CDH13: variants seen among roughly 807,000 people sequenced by gnomAD.
The protein encoded by CDH13 is cadherin-13.
Under a neutral mutation model 63.8 loss-of-function variants are expected in CDH13, and 24 were observed. The observed-to-expected ratio is 0.38, with a 90% CI of 0.27 to 0.53. The LOEUF is 0.53. Ranked by LOEUF, CDH13 falls within the 20% of genes least tolerant of loss-of-function variation. The pLI is 0.85. For synonymous variants in CDH13, 503 were observed against 355.3 expected, an observed-to-expected ratio of 1.42 and a Z score of -4.67; for missense variants, 1,049 against 903.1, an observed-to-expected ratio of 1.16 and a Z score of -2.07.
intron 11 of CDH13, among the ~76,000 whole-genome samples, chr16:83,765,433 T>C (rs1914304449): frequency 6.6e-6 from 1 of 152,218 alleles, no homozygotes; most frequent in East Asian, 1.9e-4. Flanking sequence ...ATGTGGATAA[T>C]TGCTTCAGTT....
intron 6 of CDH13, among the ~76,000 whole-genome samples, chr16:83,438,515 T>G: frequency 6.6e-6 from 1 of 152,380 alleles, no homozygotes; most frequent in Non-Finnish European, 1.5e-5. Context: ...GTTTATTCAT[T>G]GACCAACTCC....
At chr16:83,661,500 AT>A (rs1336450480) in intron 8 of CDH13, among the ~76,000 whole-genome samples, 10 of 150,782 alleles carry the variant, frequency 6.6e-5, no homozygotes, top group Non-Finnish European at 1.0e-4. Context: ...AAAAAAAAAA[AT>A]CTTGTTCTCA....
At chr16:83,359,737 C>T (rs767321676) in intron 6 of CDH13, among the ~76,000 whole-genome samples, 1 of 152,192 alleles carries the variant, frequency 6.6e-6, no homozygotes, top group Non-Finnish European at 1.5e-5. Flanking sequence ...TTTGCAATTT[C>T]AGAGTGGTTG....
Position 83,800,294 on chromosome 16 carries a change from C to T in CDH13, c.*5264C>T, listed in dbSNP as rs1368239502. 1 of 152,070 alleles carries T rather than the reference C, an allele frequency of 6.6e-6. No individual in the cohort carries two copies. Among genetic ancestry groups the T allele is most frequent in the Non-Finnish European group, 1.5e-5 (1 of 68,016 alleles). The allele number at this position is 152,070 out of a possible 1,614,324, so 9.4% of individuals were successfully genotyped here. On this transcript the variant is annotated 3_prime_UTR_variant, in exon 14 of 14. Coordinates refer to ENST00000567109, the MANE Select transcript of CDH13 (RefSeq NM_001257.5). ...CTTTTTCTTTAGAGAGTACTAAAGC[C>T]ATTCTATATCTGTCGTACACATGAA...
chr16:83,569,648 C>G (rs928020716), intron 7 of CDH13, among the ~76,000 whole-genome samples: 2 of 152,186 alleles, frequency 1.3e-5, no homozygotes, highest in African/African-American at 4.8e-5. Flanking sequence ...GTCCTCTCTT[C>G]ACAAAGACAT....
intron 5 of CDH13, among the ~76,000 whole-genome samples, chr16:83,224,411 C>T (rs1168162006): frequency 6.6e-6 from 1 of 152,188 alleles, no homozygotes; most frequent in Non-Finnish European, 1.5e-5. Context: ...CAAGTGAGAG[C>T]CTGTCAGTGA....
intron 8 of CDH13, among the ~76,000 whole-genome samples, chr16:83,654,354 A>G (rs1012582900): frequency 7.9e-5 from 12 of 151,976 alleles, no homozygotes; most frequent in African/African-American, 2.7e-4. Context: ...ACATTAGGGT[A>G]TAGGCCATAG....
chr16:83,781,592 C>T (rs571378448), intron 12 of CDH13, among the ~76,000 whole-genome samples: 18 of 152,040 alleles, frequency 1.2e-4, no homozygotes, highest in African/African-American at 4.1e-4. Context: ...GCCTGTTTGT[C>T]TATTTTATTG....
intron 10 of CDH13, among the ~76,000 whole-genome samples, chr16:83,743,024 T>A (rs403229): frequency 0.99 from 150,576 of 152,300 alleles, 74,463 homozygotes; most frequent in Middle Eastern, 1. Flanking sequence ...CCTGGCCAAC[T>A]TGGTGAAACC....
intron 5 of CDH13, among the ~76,000 whole-genome samples, chr16:83,299,257 T>G (rs780470043): frequency 6.6e-6 from 1 of 150,562 alleles, no homozygotes; most frequent in South Asian, 2.1e-4. Context: ...TATTCCCTTA[T>G]TTTGGATGCT....
At chr16:83,036,755 C>G (rs925569979) in intron 3 of CDH13, among the ~76,000 whole-genome samples, 1 of 152,106 alleles carries the variant, frequency 6.6e-6, no homozygotes, top group African/African-American at 2.4e-5. Context: ...GTGATCTTGT[C>G]GTGCAGCCTA....
intron 6 of CDH13, among the ~76,000 whole-genome samples, chr16:83,427,823 G>A (rs985709885): frequency 3.9e-5 from 6 of 152,208 alleles, no homozygotes; most frequent in Non-Finnish European, 8.8e-5. Context: ...AACAATGTGA[G>A]CTTCTGTTCC....
chr16:83,759,545 C>T (rs1011894289), intron 11 of CDH13, among the ~76,000 whole-genome samples: 2 of 151,700 alleles, frequency 1.3e-5, no homozygotes, highest in African/African-American at 4.8e-5. Context: ...AGATAGATTA[C>T]ATTGAAATTA....
Position 83,113,179 on chromosome 16 carries a change from T to C in CDH13, c.367-12206T>C, listed in dbSNP as rs539281695. 5.3e-5 allele frequency among the ~76,000 whole-genome samples: 8 copies of C among 152,360 alleles called. No individual in the cohort carries two copies. In the South Asian group the frequency reaches 8.3e-4, roughly 16 times the overall value. On this transcript the variant is annotated intron_variant, in intron 3 of 13. Transcript: ENST00000567109. The stretch of plus-strand genomic sequence containing the variant: ...GGGAGAATTTTCTAAAAATTTTCTA[T>C]AGATTTGGTTACTTCACAAAGCATT...
At chr16:82,779,229 A>T (rs1331115985) in intron 1 of CDH13, among the ~76,000 whole-genome samples, 2 of 152,202 alleles carry the variant, frequency 1.3e-5, no homozygotes, top group African/African-American at 4.8e-5. Context: ...CCCATTTTCT[A>T]GATGAGAAAA....
chr16:83,292,826 C>A (rs560649479), intron 5 of CDH13, among the ~76,000 whole-genome samples: 29 of 152,126 alleles, frequency 1.9e-4, no homozygotes, highest in Non-Finnish European at 3.5e-4. Context: ...TTTCTTTTCT[C>A]TTTACACTTG....
At chr16:83,675,893 CAATT>C (rs1462134212) in intron 9 of CDH13, among the ~76,000 whole-genome samples, 10 of 152,280 alleles carry the variant, frequency 6.6e-5, no homozygotes, top group East Asian at 1.9e-4. Context: ...GAATTACAGT[CAATT>C]CATTCATTCA....
chr16:83,002,402 A>G (rs1333424128), intron 2 of CDH13, among the ~76,000 whole-genome samples: 1 of 152,224 alleles, frequency 6.6e-6, no homozygotes, highest in Non-Finnish European at 1.5e-5. Context: ...AATCTCCTCT[A>G]GAACCTATGG....
chr16:83,602,107 CAAAAAAAAAAAAAAAAAAAAAAA>C (rs869202510), intron 7 of CDH13, among the ~76,000 whole-genome samples: 2 of 7,958 alleles, frequency 2.5e-4, no homozygotes, highest in Non-Finnish European at 3.7e-4. Flanking sequence ...AGAACAACAA[CAAAAAAAAAAAAAAAAAAAAAAA>C]AAAAAAAAAA....
Sources: gnomAD v4.1 joint callset for allele counts (sites outside exome capture counted in the v4.1 genomes callset) on GRCh38, gnomAD v4.1.1 for gene constraint, MANE v1.5 for transcripts, NCBI Gene and HGNC (gene_info 2026-07-23, HGNC 2026-07-21) for gene names.